Variants in SEMA3A observed in about 807,000 individuals in gnomAD.
SEMA3A encodes semaphorin 3A.
SEMA3A carries 29 observed loss-of-function variants against 97.9 expected under a neutral mutation model. The observed-to-expected ratio is 0.30, with a 90% CI of 0.22 to 0.40. SEMA3A has a LOEUF of 0.40. Ranked by LOEUF, SEMA3A falls within the 10% of genes least tolerant of loss-of-function variation. SEMA3A has a pLI of 1.00. For synonymous variants in SEMA3A, 321 were observed against 323.7 expected (o/e 0.99, Z 0.09); for missense variants, 763 against 951.3 (o/e 0.80, Z 2.60).
At chr7:84,350,543 TACTGGGGTA>T (rs1802412132) in intron 2 of SEMA3A, among the ~76,000 whole-genome samples, 1 of 152,214 alleles carries the variant, frequency 6.6e-6, no homozygotes. Context: ...CAGATATTGT[TACTGGGGTA>T]ATTGCATTCC....
At chr7:84,066,363 T>G (rs377735023) in intron 4 of SEMA3A, among the ~76,000 whole-genome samples, 22 of 151,180 alleles carry the variant, frequency 1.5e-4, no homozygotes, top group East Asian at 7.8e-4. Context: ...ACTGGCACAA[T>G]ACAGGGATGC....
At chr7:84,127,062 T>TGGTTA (rs1795821805) in intron 3 of SEMA3A, among the ~76,000 whole-genome samples, 1 of 152,010 alleles carries the variant, frequency 6.6e-6, no homozygotes, top group East Asian at 1.9e-4. Context: ...AAACATTTGC[T>TGGTTA]CTACTATGAA....
chr7:84,415,446 T>A (rs564327105), intron 1 of SEMA3A, among the ~76,000 whole-genome samples: 6 of 152,266 alleles, frequency 3.9e-5, no homozygotes, highest in Admixed American at 3.9e-4. Context: ...CTTCCACTTT[T>A]GTAGAACACT....
chr7:84,411,559 G>A (rs955952867), intron 1 of SEMA3A, among the ~76,000 whole-genome samples: 17 of 124,048 alleles, frequency 1.4e-4, no homozygotes, highest in African/African-American at 5.9e-4. Context: ...ATTGACATTT[G>A]GGTATAATTA....
intron 4 of SEMA3A, among the ~76,000 whole-genome samples, chr7:84,109,339 G>A (rs1795211443): frequency 6.6e-6 from 1 of 152,184 alleles, no homozygotes; most frequent in African/African-American, 2.4e-5. Flanking sequence ...ATAAAAAAGA[G>A]AAGAAGGAAG....
chr7:84,230,717 G>A (rs1287869059), intron 3 of SEMA3A, among the ~76,000 whole-genome samples: 2 of 151,804 alleles, frequency 1.3e-5, no homozygotes, highest in Admixed American at 1.3e-4. Flanking sequence ...CTTGATTACA[G>A]TTTTGCAATA....
At chr7:84,358,729 G>A (rs1398189619) in intron 2 of SEMA3A, among the ~76,000 whole-genome samples, 1 of 152,104 alleles carries the variant, frequency 6.6e-6, no homozygotes, top group African/African-American at 2.4e-5. Context: ...ACCTTGGGCA[G>A]TATGACCATT....
chr7:84,287,376 A>T (rs664988), intron 3 of SEMA3A, among the ~76,000 whole-genome samples: 53,136 of 151,900 alleles, frequency 0.35, 10,563 homozygotes, highest in Non-Finnish European at 0.47. Context: ...AATTAAAAAA[A>T]TTTTTAGTAT....
chr7:84,105,513 T>C (rs941543256), intron 4 of SEMA3A, among the ~76,000 whole-genome samples: 2 of 152,128 alleles, frequency 1.3e-5, no homozygotes, highest in Admixed American at 6.6e-5. Context: ...AATGTCCCTT[T>C]GGTTCTATCA....
intron 6 of SEMA3A, among the ~76,000 whole-genome samples, chr7:84,043,064 A>C (rs1387831408): frequency 1.3e-5 from 2 of 152,050 alleles, no homozygotes; most frequent in Non-Finnish European, 2.9e-5. Flanking sequence ...ATACTGGTAC[A>C]TCATGCCAAA....
At chr7:84,339,284 T>C (rs1229570085) in intron 2 of SEMA3A, among the ~76,000 whole-genome samples, 1 of 152,202 alleles carries the variant, frequency 6.6e-6, no homozygotes, top group Non-Finnish European at 1.5e-5. Flanking sequence ...GATCAGACTC[T>C]CTTTGCAGGG....
intron 1 of SEMA3A, among the ~76,000 whole-genome samples, chr7:84,180,236 G>A (rs979154115): frequency 4.0e-5 from 6 of 150,304 alleles, no homozygotes; most frequent in African/African-American, 7.3e-5. Context: ...ATGAGCCACC[G>A]TGCCCGGCCT....
chr7:84,072,707 A>T (rs941751320), intron 4 of SEMA3A, among the ~76,000 whole-genome samples: 2 of 152,146 alleles, frequency 1.3e-5, no homozygotes, highest in Non-Finnish European at 2.9e-5. Flanking sequence ...AATCTCAAGG[A>T]GTATACCACG....
intron 3 of SEMA3A, among the ~76,000 whole-genome samples, chr7:84,236,783 C>T (rs1195108669): frequency 6.6e-6 from 1 of 152,074 alleles, no homozygotes; most frequent in Non-Finnish European, 1.5e-5. Context: ...CTTCCAATAC[C>T]TTGAACAAAT....
chr7:84,455,446 G>A (rs2116375345), intron 1 of SEMA3A, among the ~76,000 whole-genome samples: 1 of 151,858 alleles, frequency 6.6e-6, no homozygotes, highest in Admixed American at 6.6e-5. Flanking sequence ...ATTTCTAAAT[G>A]TTCAATATAT....
At chr7:84,218,953 G>A (rs1242666728) in intron 3 of SEMA3A, among the ~76,000 whole-genome samples, 1 of 151,982 alleles carries the variant, frequency 6.6e-6, no homozygotes, top group African/African-American at 2.4e-5. Flanking sequence ...AGGAAACTTT[G>A]AATAAGGTTT....
At chr7:84,237,650 C>T (rs923944776) in intron 3 of SEMA3A, among the ~76,000 whole-genome samples, 1 of 152,032 alleles carries the variant, frequency 6.6e-6, no homozygotes, top group Non-Finnish European at 1.5e-5. Context: ...GACCAAATAA[C>T]TTCTTAACAT....
intron 3 of SEMA3A, among the ~76,000 whole-genome samples, chr7:84,208,057 T>C (rs535454284): frequency 9.8e-5 from 15 of 152,348 alleles, no homozygotes; most frequent in African/African-American, 3.1e-4. Context: ...TATATACTTA[T>C]ATATACATGC....
chr7:83,975,565 T>G (rs1789113102), intron 15 of SEMA3A, among the ~76,000 whole-genome samples: 1 of 152,084 alleles, frequency 6.6e-6, no homozygotes, highest in African/African-American at 2.4e-5. Flanking sequence ...TTTAGATCAT[T>G]CAGTCATTCA....
Sources: allele counts gnomAD v4.1 joint callset (sites outside exome capture counted in the v4.1 genomes callset), GRCh38; gene constraint gnomAD v4.1.1; transcripts MANE v1.5; gene names NCBI Gene and HGNC (gene_info 2026-07-23, HGNC 2026-07-21).